Variants in BBS9 observed in about 807,000 individuals in gnomAD.
BBS9 encodes protein PTHB1.
In BBS9, 89 loss-of-function variants were observed where a neutral mutation model predicts 117.7. The observed-to-expected ratio is 0.76, with a 90% CI of 0.64 to 0.90. The LOEUF is 0.90. Among genes scored for constraint, BBS9 ranks in the 40% least tolerant of loss-of-function variants. The pLI, the probability that BBS9 is intolerant of heterozygous loss-of-function variation, is 0.00. For missense variants in BBS9, 982 were observed against 1,042.2 expected (o/e 0.94, Z 0.80); for synonymous variants, 379 against 370.9 (o/e 1.02, Z -0.25).
chr7:33,504,863 T>C (rs1845927340), intron 19 of BBS9, among the ~76,000 whole-genome samples: 2 of 151,724 alleles, frequency 1.3e-5, no homozygotes, highest in Non-Finnish European at 2.9e-5. Flanking sequence ...TTTTTTTTTT[T>C]CTTTCAGGTC....
At chr7:33,314,954 C>A (rs551047284) in intron 9 of BBS9, among the ~76,000 whole-genome samples, 2 of 152,192 alleles carry the variant, frequency 1.3e-5, no homozygotes, top group Admixed American at 1.3e-4. Flanking sequence ...TTGATTGTGC[C>A]AATTAGCTTT....
Position 33,352,875 on chromosome 7 carries a change from T to A in BBS9, c.1552+2T>A, listed in dbSNP as rs1563049863. On this transcript the variant is annotated splice_donor_variant, in intron 15 of 22. Coordinates refer to ENST00000242067, the MANE Select transcript of BBS9 (RefSeq NM_198428.3). LOFTEE classifies it high-confidence loss of function. ...GATGGACAGATCGAAATCCTGATGG[T>A]AAGTGTAAAGATAATTTAGAAAAAA... The A allele has an allele frequency of 1.2e-6, 2 of 1,612,156 alleles. No homozygotes were observed. The highest frequency in any genetic ancestry group is 1.7e-6 in the Non-Finnish European group (2 of 1,178,416).
At position 33,446,964 on chromosome 7, in the gene BBS9, C is replaced by T. The variant is rs549774757; in HGVS notation, c.2116-58499C>T. ...TGGCTAAAGGTGGCAAGTTCTGCCA[C>T]CAAGAGAAGGTTTAATAGTTTAGAT... is the stretch of plus-strand genomic sequence containing the variant. On this transcript the variant is annotated intron_variant, in intron 19 of 22. Coordinates refer to ENST00000242067, the MANE Select transcript of BBS9 (RefSeq NM_198428.3). 2.3e-4 allele frequency among the ~76,000 whole-genome samples: 35 copies of T among 152,066 alleles called. 1 individual carries two copies. The South Asian group carries it at 7.3e-3, about 32-fold the overall frequency.
rs866080971 is a variant in BBS9 at position 33,151,537 on chromosome 7, A to G, written c.113-1164A>G. Among the ~76,000 whole-genome samples the G allele has an allele frequency of 2.7e-5, 4 of 150,374 alleles. 1 individual carries two copies. The Middle Eastern group carries it at 0.014, about 515-fold the overall frequency. On this transcript the variant is annotated intron_variant, in intron 2 of 22. Transcript: ENST00000242067. ...AAGTTCCCAGGATTATACCTCTCTC[A>G]TAGGGTTATTATGAGGATTTTTTTT...
intron 19 of BBS9, among the ~76,000 whole-genome samples, chr7:33,434,548 AG>A (rs1480169779): frequency 2.0e-5 from 3 of 152,104 alleles, no homozygotes; most frequent in African/African-American, 7.2e-5. Context: ...AATATGGTGT[AG>A]GGGTCTGAGC....
At chr7:33,156,772 C>T (rs1464303858) in intron 4 of BBS9, among the ~76,000 whole-genome samples, 1 of 152,110 alleles carries the variant, frequency 6.6e-6, no homozygotes, top group African/African-American at 2.4e-5. Context: ...TCTCTGTTAC[C>T]ACTATCATTT....
At chr7:33,407,673 G>T (rs11766818) in intron 19 of BBS9, among the ~76,000 whole-genome samples, 11 of 152,112 alleles carry the variant, frequency 7.2e-5, no homozygotes, top group Non-Finnish European at 1.6e-4. Context: ...TCAGCTGCAG[G>T]TCTGTTGGAG....
chr7:33,625,436 G>C (rs75091026), intron 21 of BBS9, among the ~76,000 whole-genome samples: 1 of 151,948 alleles, frequency 6.6e-6, no homozygotes, highest in African/African-American at 2.4e-5. Context: ...ATTTGCCCAG[G>C]GTTACATAGG....
At position 33,518,245 on chromosome 7, in the gene BBS9, CTTTTTT is replaced by C. The variant is rs747829401; in HGVS notation, c.2298+12619_2298+12624del. Among the ~76,000 whole-genome samples the C allele has an allele frequency of 1.6e-4, 15 of 93,930 alleles. No individual in the cohort carries two copies. The South Asian group carries it at 3.2e-3, about 20-fold the overall frequency. The allele number at this position is 93,930 out of a possible 152,430, so 61.6% of individuals were successfully genotyped here. ...ACATCATTATATTTTTGTATATATT[CTTTTTT>C]TTTTTTTTTTTTTTTTTTGAGATGG... On this transcript the variant is annotated intron_variant, in intron 20 of 22. Coordinates refer to ENST00000242067, the MANE Select transcript of BBS9 (RefSeq NM_198428.3).
At chr7:33,296,910 G>A (rs993152302) in intron 9 of BBS9, among the ~76,000 whole-genome samples, 1 of 152,088 alleles carries the variant, frequency 6.6e-6, no homozygotes, top group Non-Finnish European at 1.5e-5. Flanking sequence ...AAAAGAAAAG[G>A]TTTAGGTGCC....
At chr7:33,350,493 G>A (rs947219064) in intron 13 of BBS9, among the ~76,000 whole-genome samples, 2 of 152,126 alleles carry the variant, frequency 1.3e-5, no homozygotes, top group Non-Finnish European at 2.9e-5. Flanking sequence ...ACATAGATGA[G>A]CACGCACAAT....
intron 9 of BBS9, among the ~76,000 whole-genome samples, chr7:33,296,570 C>T (rs1805315444): frequency 6.6e-6 from 1 of 152,146 alleles, no homozygotes; most frequent in African/African-American, 2.4e-5. Context: ...AGACCTCTGA[C>T]CCAAACTTGG....
At chr7:33,133,605 A>G (rs1273947602) in intron 1 of BBS9, among the ~76,000 whole-genome samples, 1 of 152,188 alleles carries the variant, frequency 6.6e-6, no homozygotes, top group African/African-American at 2.4e-5. Context: ...TTATTTATTT[A>G]TGTTGTAACA....
intron 21 of BBS9, among the ~76,000 whole-genome samples, chr7:33,546,487 C>T (rs1189466828): frequency 2.6e-5 from 4 of 152,134 alleles, no homozygotes; most frequent in Non-Finnish European, 5.9e-5. Flanking sequence ...ATAGTTGCCT[C>T]CTATCTACCA....
intron 1 of BBS9, among the ~76,000 whole-genome samples, chr7:33,130,471 C>T (rs1319507629): frequency 6.6e-6 from 1 of 152,104 alleles, no homozygotes; most frequent in Non-Finnish European, 1.5e-5. Context: ...TTATCAGCAC[C>T]TCCTGCCAGT....
intron 1 of BBS9, among the ~76,000 whole-genome samples, chr7:33,137,477 C>G (rs1790700125): frequency 1.3e-5 from 2 of 152,206 alleles, no homozygotes; most frequent in African/African-American, 4.8e-5. Flanking sequence ...AGTGGGCAGC[C>G]CCTGCCATGC....
intron 6 of BBS9, among the ~76,000 whole-genome samples, chr7:33,261,793 G>A (rs1210264870): frequency 6.6e-6 from 1 of 152,174 alleles, no homozygotes; most frequent in East Asian, 1.9e-4. Flanking sequence ...AAGCACCACC[G>A]TTTAGCTGCA....
At chr7:33,635,357 C>T (rs1192362069) in exon 22 of BBS9, among the ~76,000 whole-genome samples, 2 of 152,088 alleles carry the variant, frequency 1.3e-5, no homozygotes, top group East Asian at 1.9e-4. Context: ...GTCTGTGATG[C>T]GAGGAACACA....
chr7:33,580,039 T>G (rs1193283902), intron 21 of BBS9, among the ~76,000 whole-genome samples: 1 of 152,152 alleles, frequency 6.6e-6, no homozygotes, highest in East Asian at 1.9e-4. Context: ...GTCGACCACT[T>G]TTGTATGCCT....
Sources: gnomAD v4.1 joint callset for allele counts (sites outside exome capture counted in the v4.1 genomes callset) on GRCh38, gnomAD v4.1.1 for gene constraint, MANE v1.5 for transcripts, NCBI Gene and HGNC (gene_info 2026-07-23, HGNC 2026-07-21) for gene names.